Variants in FNDC1 observed in about 807,000 individuals in gnomAD.
The protein encoded by FNDC1 is fibronectin type III domain containing 1.
FNDC1 carries 96 observed loss-of-function variants against 168.0 expected under a neutral mutation model. The ratio of observed to expected loss-of-function variants is 0.57; its 90% CI spans 0.48 to 0.68. The LOEUF is 0.68. FNDC1 is among the 30% of genes least tolerant of loss of function. The pLI, the probability that FNDC1 is intolerant of heterozygous loss-of-function variation, is 0.00. For synonymous variants in FNDC1, 1,099 were observed against 1,025.9 expected, an observed-to-expected ratio of 1.07 and a Z score of -1.36; for missense variants, 2,587 against 2,482.1, an observed-to-expected ratio of 1.04 and a Z score of -0.90.
At chr6:159,235,091 A>G (rs189087131) in intron 11 of FNDC1, among the ~76,000 whole-genome samples, 31 of 152,260 alleles carry the variant, frequency 2.0e-4, no homozygotes, top group Admixed American at 1.5e-3. Context: ...GTTGTCTAAA[A>G]CCTCCAGAAA....
At chr6:159,170,802 A>G (rs1458210222) in intron 1 of FNDC1, among the ~76,000 whole-genome samples, 1 of 152,222 alleles carries the variant, frequency 6.6e-6, no homozygotes, top group Admixed American at 6.5e-5. Flanking sequence ...TTCTCATAAA[A>G]GGCAGTGCCT....
At chr6:159,230,083 T>C in intron 10 of FNDC1, 80 bp downstream of exon 10, 3 of 1,389,760 alleles carry the variant, frequency 2.2e-6, no homozygotes, top group Non-Finnish European at 2.9e-6. Flanking sequence ...AATCATGCTC[T>C]TGGGTTTGGA....
intron 1 of FNDC1, among the ~76,000 whole-genome samples, chr6:159,185,766 A>G (rs1462914712): frequency 1.3e-5 from 2 of 152,218 alleles, no homozygotes; most frequent in African/African-American, 4.8e-5. Flanking sequence ...TATGTCTGTC[A>G]TTGGCTAGAG....
intron 12 of FNDC1, 41 bp downstream of exon 12, chr6:159,236,356 T>G (rs1783260221): frequency 7.3e-7 from 1 of 1,376,766 alleles, no homozygotes; most frequent in Admixed American, 1.8e-5. Flanking sequence ...GTTTTCATGC[T>G]GTTGAGAAGA....
rs373711936 is a variant in FNDC1, at chr6:159,271,448, G to A, written c.*6G>A. 5.0e-6 allele frequency: 8 copies of A among 1,594,234 alleles called. No individual in the cohort carries two copies. In the Admixed American group the frequency reaches 6.9e-5, roughly 14 times the overall value. ...CCATCCCTGGAAAGTGGTAATCACA[G>A]GACCGTCATGCTGCAAGCTTGCCCT... is the stretch of plus-strand genomic sequence containing the variant. On this transcript the variant is annotated 3_prime_UTR_variant, in exon 23 of 23. Transcript: ENST00000297267.
At chr6:159,201,719 G>A (rs1021456186) in intron 4 of FNDC1, among the ~76,000 whole-genome samples, 1 of 152,178 alleles carries the variant, frequency 6.6e-6, no homozygotes, top group South Asian at 2.1e-4. Context: ...AAGAAAAGGT[G>A]TTTATTTTCA....
At chr6:159,235,655 C>T (rs1162536934) in intron 11 of FNDC1, among the ~76,000 whole-genome samples, 1 of 152,154 alleles carries the variant, frequency 6.6e-6, no homozygotes, top group African/African-American at 2.4e-5. Flanking sequence ...ACAGAAACAA[C>T]AAGTGTAAGG....
chr6:159,196,824 T>G lies in FNDC1; in HGVS notation c.110-607T>G, dbSNP rs9457564. Among the ~76,000 whole-genome samples the G allele has an allele frequency of 2.0e-3, 307 of 152,376 alleles. 2 individuals carry two copies. The highest frequency in any genetic ancestry group is 7.1e-3 in the African/African-American group (294 of 41,594). On this transcript the variant is annotated intron_variant, in intron 1 of 22. Transcript: ENST00000297267. ...AGTCAAGATAAAAAAGTGATTGTAC[T>G]TGGTACTAACTTGTTTTTCTTCTGG... is the stretch of plus-strand genomic sequence containing the variant.
At chr6:159,200,379 C>G (rs1019244278) in intron 3 of FNDC1, 134 bp from the exon 4 acceptor site, 2 of 710,256 alleles carry the variant, frequency 2.8e-6, no homozygotes. Context: ...GGTGTCCAGT[C>G]ACTAATATGG....
intron 2 of FNDC1, 61 bp downstream of exon 2, chr6:159,197,686 G>A (rs1288369409): frequency 1.9e-5 from 27 of 1,449,600 alleles, no homozygotes; most frequent in Non-Finnish European, 2.5e-5. Flanking sequence ...ATTCTCAGTT[G>A]CATTCTTAGG....
At chr6:159,184,113 T>G (rs1781943315) in intron 1 of FNDC1, among the ~76,000 whole-genome samples, 1 of 152,238 alleles carries the variant, frequency 6.6e-6, no homozygotes, top group Non-Finnish European at 1.5e-5. Flanking sequence ...GTTTCCTTAT[T>G]TATAAAAATG....
At chr6:159,170,434 G>C (rs1781629314) in intron 1 of FNDC1, among the ~76,000 whole-genome samples, 2 of 152,238 alleles carry the variant, frequency 1.3e-5, no homozygotes, top group Non-Finnish European at 2.9e-5. Flanking sequence ...GAAAATGCTA[G>C]CGCGCTCCTG....
At chr6:159,187,454 T>G (rs914095699) in intron 1 of FNDC1, among the ~76,000 whole-genome samples, 9 of 152,310 alleles carry the variant, frequency 5.9e-5, no homozygotes, top group African/African-American at 2.2e-4. Context: ...TTTGATTTTA[T>G]TTTTTGTACA....
intron 8 of FNDC1, 123 bp from the exon 9 acceptor site, chr6:159,226,350 T>C: frequency 1.5e-6 from 1 of 669,940 alleles, no homozygotes; most frequent in African/African-American, 1.8e-5. Flanking sequence ...CTGTCAGGTA[T>C]AATAAAAATT....
In FNDC1 at chr6:159,259,944, C is replaced by G. The variant is rs1777451252; in HGVS notation, c.5175-1246C>G. On this transcript the variant is annotated intron_variant, in intron 18 of 22. Transcript: ENST00000297267. ...AGAGACTGCCTTGGTGATCCAGCAG[C>G]TCAGAAGGCTTGAGGCCAAGGCTGT... is the stretch of plus-strand genomic sequence containing the variant. Among the ~76,000 whole-genome samples, 6 of 152,198 alleles carry G rather than the reference C, an allele frequency of 3.9e-5. No individual in the cohort carries two copies. The South Asian group carries it at 1.2e-3, about 32-fold the overall frequency.
chr6:159,266,635 A>C (rs1006596446), intron 21 of FNDC1, among the ~76,000 whole-genome samples: 1 of 151,728 alleles, frequency 6.6e-6, no homozygotes, highest in African/African-American at 2.4e-5. Context: ...TAGGAATGAC[A>C]TAGTGACTGG....
chr6:159,177,441 G>A (rs1448454898), intron 1 of FNDC1, among the ~76,000 whole-genome samples: 6 of 152,076 alleles, frequency 3.9e-5, no homozygotes, highest in Non-Finnish European at 2.9e-5. Context: ...CACCCATGGC[G>A]GAACTCACGG....
intron 15 of FNDC1, among the ~76,000 whole-genome samples, 194 bp downstream of exon 15, chr6:159,247,163 T>G (rs186831521): frequency 4.8e-4 from 73 of 152,302 alleles, no homozygotes; most frequent in African/African-American, 1.7e-3. Context: ...ATATTTGATC[T>G]AAGAAAAACA....
At chr6:159,225,259 C>T (rs1322582788) in intron 7 of FNDC1, among the ~76,000 whole-genome samples, 1 of 152,044 alleles carries the variant, frequency 6.6e-6, no homozygotes, top group East Asian at 1.9e-4. Flanking sequence ...AGCTGTCTCC[C>T]TTCTCTCTCT....
Sources: allele counts gnomAD v4.1 joint callset (sites outside exome capture counted in the v4.1 genomes callset), GRCh38; gene constraint gnomAD v4.1.1; transcripts MANE v1.5; gene names NCBI Gene and HGNC (gene_info 2026-07-23, HGNC 2026-07-21).